Variants in DPP10 observed in about 807,000 individuals in gnomAD.
The protein encoded by DPP10 is inactive dipeptidyl peptidase 10.
DPP10 carries 33 observed loss-of-function variants against 120.9 expected under a neutral mutation model. The observed-to-expected ratio is 0.27, with a 90% CI of 0.21 to 0.37. DPP10 has a LOEUF of 0.37. DPP10 is among the 10% of genes least tolerant of loss of function. The pLI, the probability that DPP10 is intolerant of heterozygous loss-of-function variation, is 1.00. For synonymous variants in DPP10, 337 were observed against 326.1 expected, an observed-to-expected ratio of 1.03 and a Z score of -0.36; for missense variants, 816 against 942.8, an observed-to-expected ratio of 0.87 and a Z score of 1.76.
At chr2:115,178,186 C>T (rs2053834119) in intron 1 of DPP10, among the ~76,000 whole-genome samples, 1 of 152,050 alleles carries the variant, frequency 6.6e-6, no homozygotes, top group African/African-American at 2.4e-5. Context: ...GGTGTGTTTA[C>T]TGTGCCCTTG....
At chr2:114,724,950 G>A (rs1220935047) in intron 1 of DPP10, among the ~76,000 whole-genome samples, 1 of 152,086 alleles carries the variant, frequency 6.6e-6, no homozygotes, top group African/African-American at 2.4e-5. Context: ...TGAATTCTGC[G>A]CCCATAGATA....
Position 115,597,814 on chromosome 2 carries a change from G to C in DPP10, c.441+71842G>C, listed in dbSNP as rs1462045019. 3.3e-5 allele frequency among the ~76,000 whole-genome samples: 5 copies of C among 152,046 alleles called. No individual in the cohort carries two copies. The East Asian group carries it at 9.7e-4, about 29-fold the overall frequency. On this transcript the variant is annotated intron_variant, in intron 5 of 25. Transcript: ENST00000410059. ...AAGATCTAGAAATATCAAATCAAAA[G>C]AGACTAAGTGATTCCTTCATCAGAC... is the stretch of plus-strand genomic sequence containing the variant.
At chr2:115,624,832 G>T (rs1402687973) in intron 5 of DPP10, among the ~76,000 whole-genome samples, 1 of 152,110 alleles carries the variant, frequency 6.6e-6, no homozygotes, top group African/African-American at 2.4e-5. Context: ...ACAGTTACCA[G>T]ATGGAAAAAT....
intron 5 of DPP10, among the ~76,000 whole-genome samples, chr2:115,560,553 G>GATCT (rs1251936567): frequency 1.4e-5 from 2 of 147,792 alleles, no homozygotes; most frequent in Non-Finnish European, 3.0e-5. Context: ...AGCTCACAGT[G>GATCT]ATCTATTCCC....
chr2:115,506,754 A>G lies in DPP10; in HGVS notation c.366+7150A>G, dbSNP rs189957056. 3.9e-5 allele frequency among the ~76,000 whole-genome samples: 6 copies of G among 152,264 alleles called. No homozygotes were observed. The East Asian group carries it at 1.2e-3, about 29-fold the overall frequency. ...TGCAGATATTGATCTATCTATATCT[A>G]TCAATCAATCAACCAGTCTATCCAT... On this transcript the variant is annotated intron_variant, in intron 4 of 25. Coordinates refer to ENST00000410059, the MANE Select transcript of DPP10 (RefSeq NM_020868.6).
intron 1 of DPP10, among the ~76,000 whole-genome samples, chr2:115,165,474 A>G (rs1026563934): frequency 7.9e-5 from 12 of 152,202 alleles, no homozygotes; most frequent in African/African-American, 2.9e-4. Flanking sequence ...ACAAATGAAT[A>G]ATTTGTTTAA....
chr2:114,596,627 G>C (rs1445545250), intron 1 of DPP10, among the ~76,000 whole-genome samples: 2 of 152,008 alleles, frequency 1.3e-5, no homozygotes, highest in Non-Finnish European at 2.9e-5. Context: ...ATTGAGTACT[G>C]TATGTCAGGA....
At chr2:115,767,500 T>C (rs1037928201) in intron 12 of DPP10, among the ~76,000 whole-genome samples, 5 of 145,406 alleles carry the variant, frequency 3.4e-5, no homozygotes, top group East Asian at 1.9e-4. Context: ...TATATATATA[T>C]ACACATAGTG....
chr2:114,591,554 A>ATTTTTTTTT (rs70937292), intron 1 of DPP10, among the ~76,000 whole-genome samples: 8,550 of 123,896 alleles, frequency 0.069, 487 homozygotes, highest in East Asian at 0.12. Flanking sequence ...ACCTCTTCCT[A>ATTTTTTTTT]TTTTTTTTTT....
intron 5 of DPP10, among the ~76,000 whole-genome samples, chr2:115,589,245 G>A (rs1488877102): frequency 6.6e-6 from 1 of 152,156 alleles, no homozygotes; most frequent in Non-Finnish European, 1.5e-5. Context: ...ACAGATTGTT[G>A]TATTAATCCA....
At chr2:115,157,244 C>CAAAAAAA (rs569338436) in intron 1 of DPP10, among the ~76,000 whole-genome samples, 17 of 101,488 alleles carry the variant, frequency 1.7e-4, no homozygotes, top group African/African-American at 3.2e-4. Context: ...TTAAATATAG[C>CAAAAAAA]AAAAAAAAAA....
At position 115,576,189 on chromosome 2, in the gene DPP10, T is replaced by G. The variant is rs539073140; in HGVS notation, c.441+50217T>G. On this transcript the variant is annotated intron_variant, in intron 5 of 25. Coordinates refer to ENST00000410059, the MANE Select transcript of DPP10 (RefSeq NM_020868.6). ...CAATACAATGAGCTATCAAAAACAT[T>G]GATCACCTTATCCTTGATAGGGCCA... Among the ~76,000 whole-genome samples, 13 of 152,338 alleles carry G rather than the reference T, an allele frequency of 8.5e-5. No homozygotes were observed. In the South Asian group the frequency reaches 2.5e-3, roughly 29 times the overall value.
chr2:115,310,471 A>T (rs968133152), intron 2 of DPP10, among the ~76,000 whole-genome samples: 3 of 152,148 alleles, frequency 2.0e-5, no homozygotes, highest in Non-Finnish European at 4.4e-5. Context: ...AAATAAATAA[A>T]CTGCCAAAAA....
rs1483928659 is a variant in DPP10, at chr2:115,845,075, G to A, written c.*2730G>A. On this transcript the variant is annotated 3_prime_UTR_variant, in exon 26 of 26. Coordinates refer to ENST00000410059, the MANE Select transcript of DPP10 (RefSeq NM_020868.6). ...ATGTCTGTTGTAGATCTATTACAAT[G>A]AGGTGACTTAGACATTGGGCTTTAC... 1 of 152,152 alleles carries A rather than the reference G, an allele frequency of 6.6e-6. No homozygotes were observed. Among genetic ancestry groups the A allele is most frequent in the Admixed American group, 6.5e-5 (1 of 15,276 alleles). The allele number at this position is 152,152 out of a possible 1,614,324, so 9.4% of individuals were successfully genotyped here. A position where few individuals can be genotyped will look rare whatever the true frequency, so the allele number is the denominator to read the frequency against.
At chr2:115,683,623 T>C (rs959893875) in intron 5 of DPP10, among the ~76,000 whole-genome samples, 10 of 151,792 alleles carry the variant, frequency 6.6e-5, no homozygotes, top group Non-Finnish European at 1.0e-4. Context: ...TCTCTGTAAC[T>C]TCCACTCTAT....
At chr2:115,740,921 T>A (rs1677179826) in intron 9 of DPP10, among the ~76,000 whole-genome samples, 1 of 152,098 alleles carries the variant, frequency 6.6e-6, no homozygotes, top group Non-Finnish European at 1.5e-5. Context: ...TTAGAAGCCA[T>A]TTTTAAGCCA....
intron 5 of DPP10, among the ~76,000 whole-genome samples, chr2:115,624,578 G>A (rs934699048): frequency 7.9e-5 from 12 of 152,244 alleles, no homozygotes; most frequent in African/African-American, 2.6e-4. Context: ...TTCAGTTCCT[G>A]CATACTTTGC....
intron 5 of DPP10, among the ~76,000 whole-genome samples, chr2:115,572,337 C>T (rs2081384988): frequency 6.6e-6 from 1 of 152,022 alleles, no homozygotes; most frequent in South Asian, 2.1e-4. Flanking sequence ...TTCCACTCAC[C>T]TATTTTTTAG....
At position 114,930,557 on chromosome 2, in the gene DPP10, G is replaced by A. The variant is rs183274314; in HGVS notation, c.61-378682G>A. ...AGTAAGTTCCTCATTTCCATCTGAG[G>A]TGCCATCAGCATAACTTTTACTGTC... On this transcript the variant is annotated intron_variant, in intron 1 of 25. Coordinates refer to ENST00000410059, the MANE Select transcript of DPP10 (RefSeq NM_020868.6). 5.3e-5 allele frequency among the ~76,000 whole-genome samples: 8 copies of A among 152,266 alleles called. No homozygotes were observed. The East Asian group carries it at 1.5e-3, about 29-fold the overall frequency.
Sources: allele counts gnomAD v4.1 joint callset (sites outside exome capture counted in the v4.1 genomes callset), GRCh38; gene constraint gnomAD v4.1.1; transcripts MANE v1.5; gene names NCBI Gene and HGNC (gene_info 2026-07-23, HGNC 2026-07-21).